The following TYW1B variants were observed in gnomAD, a reference collection of about 807,000 sequenced individuals.
The protein encoded by TYW1B is S-adenosyl-L-methionine-dependent tRNA 4-demethylwyosine synthase TYW1B.
TYW1B carries 73 observed loss-of-function variants against 86.9 expected under a neutral mutation model. The observed-to-expected ratio is 0.84, with a 90% confidence interval of 0.70 to 1.02. TYW1B has a LOEUF of 1.02. TYW1B is among the 50% of genes least tolerant of loss of function. The probability of loss-of-function intolerance (pLI) is 0.00; values close to 1 mark genes in which losing one functional copy is unlikely to be tolerated. For synonymous variants in TYW1B, 248 were observed against 292.8 expected (o/e 0.85, Z 1.56); for missense variants, 637 against 827.4 (o/e 0.77, Z 2.82).
chr7:72,723,373 C>T (rs1786940333), intron 9 of TYW1B, among the ~76,000 whole-genome samples: 1 of 152,054 alleles, frequency 6.6e-6, no homozygotes, highest in Non-Finnish European at 1.5e-5. Context: ...GCCTTCAAGC[C>T]TTTGAAATTG....
rs149513909 is a variant in TYW1B at position 72,584,414 on chromosome 7, CTTTG to C, written c.1786-8699_1786-8696del. ...TGTGCAATATCCCTAAGTTAACTCCCTTTGTTTAACTTATCTAAAACTTACAGAA... is the reference window on the plus strand; with the variant it reads ...TGTGCAATATCCCTAAGTTAACTCCCTTTAACTTATCTAAAACTTACAGAA... On this transcript the variant is annotated intron_variant, in intron 13 of 13. Transcript: ENST00000620995. Among the ~76,000 whole-genome samples, 1,293 of 151,596 alleles carry C rather than the reference CTTTG, an allele frequency of 8.5e-3. 25 individuals carry two copies. Among genetic ancestry groups the C allele is most frequent in the African/African-American group, 0.029 (1,200 of 41,366 alleles).
chr7:72,586,180 G>C (rs542654875), intron 13 of TYW1B, among the ~76,000 whole-genome samples: 59 of 152,296 alleles, frequency 3.9e-4, no homozygotes, highest in Non-Finnish European at 7.9e-4. Context: ...TCCATGCTTG[G>C]AGCTTCCAGT....
chr7:72,596,187 A>C (rs1247165341), intron 13 of TYW1B, among the ~76,000 whole-genome samples: 46 of 150,738 alleles, frequency 3.1e-4, no homozygotes, highest in African/African-American at 1.1e-3. Flanking sequence ...CTCAAAAAAA[A>C]AAAAAAAAAA....
intron 13 of TYW1B, among the ~76,000 whole-genome samples, chr7:72,609,769 A>G (rs1409185526): frequency 6.6e-6 from 1 of 152,188 alleles, no homozygotes; most frequent in African/African-American, 2.4e-5. Flanking sequence ...AGACACTAGT[A>G]TAAGAATAGA....
At chr7:72,754,007 G>A (rs1554465546) in intron 7 of TYW1B, among the ~76,000 whole-genome samples, 1 of 152,092 alleles carries the variant, frequency 6.6e-6, no homozygotes, top group African/African-American at 2.4e-5. Flanking sequence ...AGGTACGCCT[G>A]TCATTTGTTG....
intron 3 of TYW1B, among the ~76,000 whole-genome samples, chr7:72,813,496 T>C (rs1371599026): frequency 6.6e-6 from 1 of 152,128 alleles, no homozygotes; most frequent in African/African-American, 2.4e-5. Flanking sequence ...TCTCTAACTC[T>C]ACCTGCGTCA....
At chr7:72,759,447 T>C (rs923378845) in intron 7 of TYW1B, among the ~76,000 whole-genome samples, 1 of 110,652 alleles carries the variant, frequency 9.0e-6, no homozygotes, top group Admixed American at 9.5e-5. Context: ...AGAAATGGAA[T>C]AAGATTCTCA....
intron 11 of TYW1B, among the ~76,000 whole-genome samples, chr7:72,664,604 G>GTGGAGA (rs1554444959): frequency 2.0e-5 from 3 of 152,204 alleles, no homozygotes; most frequent in African/African-American, 7.2e-5. Context: ...CTATCACAGA[G>GTGGAGA]TGGAGAATGG....
intron 10 of TYW1B, among the ~76,000 whole-genome samples, chr7:72,711,237 G>A (rs1554454706): frequency 1.3e-5 from 2 of 150,890 alleles, no homozygotes; most frequent in Non-Finnish European, 2.9e-5. Flanking sequence ...TGCCTGCCGC[G>A]CAGAAAGATA....
intron 4 of TYW1B, among the ~76,000 whole-genome samples, chr7:72,808,117 T>C (rs2129572618): frequency 6.6e-6 from 1 of 151,996 alleles, no homozygotes; most frequent in South Asian, 2.1e-4. Flanking sequence ...AAAAAAAATT[T>C]ACATATCTGA....
intron 7 of TYW1B, among the ~76,000 whole-genome samples, chr7:72,749,707 T>C (rs1554464576): frequency 6.6e-6 from 1 of 151,842 alleles, no homozygotes. Context: ...TTTCTATTCT[T>C]CACTTCCTTC....
chr7:72,823,886 T>C (rs374817846), intron 2 of TYW1B, among the ~76,000 whole-genome samples: 1 of 152,062 alleles, frequency 6.6e-6, no homozygotes, highest in African/African-American at 2.4e-5. Context: ...TTCTGGAGAG[T>C]ACATTTCATT....
Position 72,728,895 on chromosome 7 carries a change from C to G in TYW1B, c.1119G>C (p.Trp373Cys). ...HNNPVGTEWL[W>C]KMDQPEMILK... ...AGATCATTTCAGGCTGGTCCATCTT[C>G]CACAACCATTCAGTGCCCACAGGGT... The change falls in exon 9 of 14, where the codon TGG (tryptophan) becomes TGC (cysteine). Residue 373 changes from tryptophan (W) to cysteine (C), a missense_variant. Physicochemically the swap from Trp to Cys is radical, Grantham distance 215 (BLOSUM62 -2). Transcript: ENST00000620995. 6.2e-7 allele frequency: 1 copy of G among 1,613,938 alleles called. No individual in the cohort carries two copies. The highest frequency in any genetic ancestry group is 8.5e-7 in the Non-Finnish European group (1 of 1,179,908).
intron 11 of TYW1B, among the ~76,000 whole-genome samples, chr7:72,656,389 A>C (rs144547705): frequency 5.9e-5 from 9 of 152,340 alleles, no homozygotes; most frequent in African/African-American, 2.2e-4. Flanking sequence ...TAAGGACACA[A>C]GAATGATGAG....
At chr7:72,630,981 T>C (rs1554439720) in intron 11 of TYW1B, among the ~76,000 whole-genome samples, 1 of 152,012 alleles carries the variant, frequency 6.6e-6, no homozygotes, top group African/African-American at 2.4e-5. Context: ...TATTAGGCTA[T>C]ACAGTAATAT....
chr7:72,814,398 C>T (rs1788682557), intron 3 of TYW1B, among the ~76,000 whole-genome samples: 1 of 151,892 alleles, frequency 6.6e-6, no homozygotes, highest in African/African-American at 2.4e-5. Flanking sequence ...TCCTGGCTAA[C>T]ACGGTGAAAC....
chr7:72,777,268 C>T (rs1554470717), intron 7 of TYW1B, 148 bp downstream of exon 7: 1 of 941,130 alleles, frequency 1.1e-6, no homozygotes, highest in African/African-American at 1.7e-5. Context: ...CAGAAGCGAT[C>T]CACAGAAGTA....
intron 11 of TYW1B, among the ~76,000 whole-genome samples, chr7:72,687,455 CT>C (rs1814034156): frequency 6.6e-6 from 1 of 151,942 alleles, no homozygotes; most frequent in South Asian, 2.1e-4. Flanking sequence ...AATAAATAAA[CT>C]GGTAAAGACA....
chr7:72,705,561 A>G (rs1357765045), intron 10 of TYW1B, among the ~76,000 whole-genome samples: 1 of 152,230 alleles, frequency 6.6e-6, no homozygotes, highest in Non-Finnish European at 1.5e-5. Context: ...GTACTCACCA[A>G]AAAAGAGCTA....
Sources: allele counts gnomAD v4.1 joint callset (sites outside exome capture counted in the v4.1 genomes callset), GRCh38; gene constraint gnomAD v4.1.1; transcripts MANE v1.5; gene names NCBI Gene and HGNC (gene_info 2026-07-23, HGNC 2026-07-21).